NAV3: variants seen among roughly 807,000 people sequenced by gnomAD.
NAV3 encodes the protein neuron navigator 3.
A neutral mutation model predicts 244.7 loss-of-function variants in NAV3; 87 were observed. The ratio of observed to expected loss-of-function variants is 0.36; its 90% CI spans 0.30 to 0.42. NAV3 has a LOEUF of 0.42. Among genes scored for constraint, NAV3 ranks in the 20% least tolerant of loss-of-function variants. NAV3 has a pLI of 1.00. For missense variants in NAV3, 2,663 were observed against 2,893.3 expected, an observed-to-expected ratio of 0.92 and a Z score of 1.83; for synonymous variants, 1,126 against 1,042.2, an observed-to-expected ratio of 1.08 and a Z score of -1.55.
chr12:77,658,282 A>G (rs1482262859), intron 2 of NAV3, among the ~76,000 whole-genome samples: 27 of 151,920 alleles, frequency 1.8e-4, no homozygotes, highest in Non-Finnish European at 3.4e-4. Flanking sequence ...AACTCAATGT[A>G]CAAAAATCAC....
intron 1 of NAV3, among the ~76,000 whole-genome samples, chr12:77,834,285 G>A (rs1432265843): frequency 6.6e-6 from 1 of 152,168 alleles, no homozygotes; most frequent in Non-Finnish European, 1.5e-5. Context: ...ACAAGGGGTT[G>A]GGAATGGATG....
At chr12:77,898,850 T>G (rs1884937660) in intron 1 of NAV3, among the ~76,000 whole-genome samples, 1 of 152,206 alleles carries the variant, frequency 6.6e-6, no homozygotes, top group Admixed American at 6.5e-5. Flanking sequence ...CTGGAAAGGA[T>G]TCACCATTAT....
intron 3 of NAV3, among the ~76,000 whole-genome samples, chr12:77,943,286 T>G (rs919975630): frequency 8.5e-5 from 13 of 152,134 alleles, no homozygotes; most frequent in Non-Finnish European, 5.9e-5. Flanking sequence ...CACTTCTGAT[T>G]AAAACAAAAT....
chr12:77,840,567 A>G (rs1187390890), intron 1 of NAV3, among the ~76,000 whole-genome samples: 1 of 152,224 alleles, frequency 6.6e-6, no homozygotes, highest in African/African-American at 2.4e-5. Context: ...CAAAAATTCT[A>G]TATCTTGGAG....
At chr12:77,622,321 G>A (rs996471358) in intron 2 of NAV3, among the ~76,000 whole-genome samples, 2 of 151,756 alleles carry the variant, frequency 1.3e-5, no homozygotes, top group Admixed American at 6.6e-5. Flanking sequence ...CACCACACCC[G>A]GATAATTTTT....
At position 77,776,038 on chromosome 12, in the gene NAV3, C is replaced by A. The variant is rs190633671; in HGVS notation, c.73-164281C>A. Among the ~76,000 whole-genome samples the A allele has an allele frequency of 7.4e-4, 112 of 152,320 alleles. 1 individual carries two copies. The highest frequency in any genetic ancestry group is 2.6e-3 in the African/African-American group (109 of 41,564). On this transcript the variant is annotated intron_variant, in intron 2 of 8. Coordinates refer to the NAV3 transcript ENST00000550042. The stretch of plus-strand genomic sequence containing the variant: ...GCATGGCAAGGATTCTAGCCCCTAT[C>A]TCCCTCAGGCCAAGAATTGTTAAGT...
chr12:77,770,259 T>C (rs542782222), intron 2 of NAV3, among the ~76,000 whole-genome samples: 1 of 152,160 alleles, frequency 6.6e-6, no homozygotes, highest in East Asian at 1.9e-4. Flanking sequence ...AAATCCCAAA[T>C]GAGGAAGCTA....
At chr12:77,754,276 T>C (rs1233090285) in intron 2 of NAV3, among the ~76,000 whole-genome samples, 2 of 152,124 alleles carry the variant, frequency 1.3e-5, no homozygotes, top group African/African-American at 4.8e-5. Context: ...CCCAGTCACA[T>C]GGAGCCAGTG....
chr12:77,885,664 C>G (rs1196402731), intron 1 of NAV3, among the ~76,000 whole-genome samples: 1 of 152,064 alleles, frequency 6.6e-6, no homozygotes, highest in African/African-American at 2.4e-5. Context: ...CCATTTCCTT[C>G]TCTTAGTTTC....
chr12:77,628,321 G>C (rs1029025316), intron 2 of NAV3, among the ~76,000 whole-genome samples: 4 of 152,164 alleles, frequency 2.6e-5, no homozygotes, highest in African/African-American at 7.2e-5. Flanking sequence ...AAAATATGAG[G>C]AAAGAGATGG....
chr12:78,084,684 G>A (rs1437593201), intron 12 of NAV3, among the ~76,000 whole-genome samples: 3 of 151,784 alleles, frequency 2.0e-5, no homozygotes, highest in Non-Finnish European at 4.4e-5. Flanking sequence ...TCTGTTGTCT[G>A]TTGAATCCAC....
At chr12:77,766,735 G>GTTTGTTTGTTTTTTTTTTTTTTTT (rs1555202961) in intron 2 of NAV3, among the ~76,000 whole-genome samples, 3 of 60,516 alleles carry the variant, frequency 5.0e-5, no homozygotes, top group Non-Finnish European at 6.1e-5. Context: ...AGGCAATTAA[G>GTTTGTTTGTTTTTTTTTTTTTTTT]TTTTTTTTTT....
intron 2 of NAV3, among the ~76,000 whole-genome samples, chr12:77,807,075 G>A (rs2135987923): frequency 6.6e-6 from 1 of 152,206 alleles, no homozygotes; most frequent in South Asian, 2.1e-4. Flanking sequence ...GTGTGTCTTT[G>A]CACATGAGGT....
intron 2 of NAV3, among the ~76,000 whole-genome samples, chr12:77,743,049 TA>T (rs1868369324): frequency 1.3e-5 from 2 of 152,080 alleles, no homozygotes; most frequent in South Asian, 4.2e-4. Context: ...ATACTTACCA[TA>T]GATTGAGATT....
chr12:78,076,071 C>T (rs1953034910), intron 12 of NAV3, among the ~76,000 whole-genome samples: 1 of 152,140 alleles, frequency 6.6e-6, no homozygotes, highest in Non-Finnish European at 1.5e-5. Flanking sequence ...CTACTCTCTC[C>T]CTTCTTGTTT....
intron 9 of NAV3, among the ~76,000 whole-genome samples, chr12:78,044,638 G>A (rs1017027445): frequency 7.2e-5 from 11 of 152,052 alleles, no homozygotes; most frequent in African/African-American, 2.4e-4. Flanking sequence ...TTTTGAAGAG[G>A]TCCTTCACAT....
intron 1 of NAV3, among the ~76,000 whole-genome samples, chr12:77,850,256 C>T (rs370948918): frequency 5.3e-5 from 8 of 152,228 alleles, no homozygotes; most frequent in African/African-American, 1.7e-4. Context: ...TAGTGAAATT[C>T]CTCTGTTCAA....
intron 2 of NAV3, among the ~76,000 whole-genome samples, chr12:77,594,580 C>T (rs1333928199): frequency 6.6e-6 from 1 of 152,080 alleles, no homozygotes; most frequent in Non-Finnish European, 1.5e-5. Context: ...GATTAGGGTT[C>T]TCTGGGCATA....
intron 2 of NAV3, among the ~76,000 whole-genome samples, chr12:77,670,073 G>A (rs1873898487): frequency 6.6e-6 from 1 of 151,998 alleles, no homozygotes; most frequent in Non-Finnish European, 1.5e-5. Context: ...CAGGAAGAGA[G>A]AATATCCAAA....
Sources: gnomAD v4.1 joint callset for allele counts (sites outside exome capture counted in the v4.1 genomes callset) on GRCh38, gnomAD v4.1.1 for gene constraint, MANE v1.5 for transcripts, NCBI Gene and HGNC (gene_info 2026-07-23, HGNC 2026-07-21) for gene names.